BCL2: variants seen among roughly 807,000 people sequenced by gnomAD.
BCL2 encodes the protein BCL2 apoptosis regulator.
BCL2 carries 1 observed loss-of-function variant against 14.2 expected under a neutral mutation model. That is an observed-to-expected ratio of 0.07 (90% confidence interval 0.02 to 0.33). The LOEUF is 0.33. Among genes scored for constraint, BCL2 ranks in the 10% least tolerant of loss-of-function variants. The probability of loss-of-function intolerance (pLI) is 0.99; values close to 1 mark genes in which losing one functional copy is unlikely to be tolerated. For missense variants in BCL2, 247 were observed against 305.9 expected, an observed-to-expected ratio of 0.81 and a Z score of 1.44; for synonymous variants, 151 against 137.2, an observed-to-expected ratio of 1.10 and a Z score of -0.70.
At position 63,209,742 on chromosome 18, in the gene BCL2, G is replaced by C. The variant is rs577769977; in HGVS notation, c.586-80983C>G. On this transcript the variant is annotated intron_variant, in intron 2 of 2. Transcript: ENST00000333681. ...TGAGATCTCCGAGACAGAGGAAACA[G>C]AGCGAGGAAGCTAAGACCTAGGCTG... 1.1e-4 allele frequency among the ~76,000 whole-genome samples: 17 copies of C among 152,234 alleles called. No individual in the cohort carries two copies. The South Asian group carries it at 3.3e-3, about 30-fold the overall frequency.
intron 2 of BCL2, among the ~76,000 whole-genome samples, chr18:63,141,091 T>C (rs1481371496): frequency 1.3e-5 from 2 of 151,854 alleles, no homozygotes; most frequent in Non-Finnish European, 2.9e-5. Flanking sequence ...ACTTGTAAGG[T>C]GAGCAGCTCA....
intron 2 of BCL2, among the ~76,000 whole-genome samples, chr18:63,260,971 G>T (rs1911642353): frequency 6.6e-6 from 1 of 152,104 alleles, no homozygotes; most frequent in African/African-American, 2.4e-5. Flanking sequence ...AGAATTAAAA[G>T]AAGAAGAACA....
chr18:63,254,602 C>A (rs1368110598), intron 2 of BCL2, among the ~76,000 whole-genome samples: 3 of 151,846 alleles, frequency 2.0e-5, no homozygotes, highest in African/African-American at 7.3e-5. Flanking sequence ...TGCTTCTCAT[C>A]ATTGGGGTCA....
At chr18:63,245,247 G>A (rs1160275933) in intron 2 of BCL2, among the ~76,000 whole-genome samples, 2 of 152,170 alleles carry the variant, frequency 1.3e-5, no homozygotes, top group East Asian at 1.9e-4. Context: ...AACCAATTGA[G>A]CATCAACTGA....
At chr18:63,131,229 C>A (rs1914061972) in intron 2 of BCL2, among the ~76,000 whole-genome samples, 1 of 152,188 alleles carries the variant, frequency 6.6e-6, no homozygotes, top group Non-Finnish European at 1.5e-5. Context: ...AATCAGCTAG[C>A]CCAGACCAGC....
At chr18:63,260,538 C>T (rs1420973120) in intron 2 of BCL2, among the ~76,000 whole-genome samples, 3 of 152,144 alleles carry the variant, frequency 2.0e-5, no homozygotes, top group South Asian at 2.1e-4. Context: ...CAGGGGCGGA[C>T]GATAGCACAG....
intron 2 of BCL2, among the ~76,000 whole-genome samples, chr18:63,287,469 A>G (rs1261891761): frequency 6.6e-6 from 1 of 152,188 alleles, no homozygotes; most frequent in Non-Finnish European, 1.5e-5. Context: ...AGAAGAGAAG[A>G]GAAGTTGCCA....
At chr18:63,157,829 T>C (rs1914821515) in intron 2 of BCL2, among the ~76,000 whole-genome samples, 1 of 152,194 alleles carries the variant, frequency 6.6e-6, no homozygotes, top group African/African-American at 2.4e-5. Flanking sequence ...GTGCTGTTTA[T>C]TGACAGAGAA....
chr18:63,159,108 G>A (rs1237109039), intron 2 of BCL2, among the ~76,000 whole-genome samples: 2 of 152,184 alleles, frequency 1.3e-5, no homozygotes, highest in Non-Finnish European at 2.9e-5. Context: ...GGAATTTCCA[G>A]AGGTCTCTGA....
intron 2 of BCL2, among the ~76,000 whole-genome samples, chr18:63,293,297 T>C (rs1912706843): frequency 6.6e-6 from 1 of 152,194 alleles, no homozygotes; most frequent in African/African-American, 2.4e-5. Flanking sequence ...ATTCAAACCC[T>C]GAACATCAGC....
At chr18:63,311,589 C>G (rs774921906) in intron 2 of BCL2, among the ~76,000 whole-genome samples, 3 of 152,148 alleles carry the variant, frequency 2.0e-5, no homozygotes, top group Non-Finnish European at 4.4e-5. Context: ...CAGTTTCTGA[C>G]TCATTACATG....
rs1287240655 is a variant in BCL2, at chr18:63,298,929, CA to C, written c.585+19152del. ...CCTGGAAGGCTCAAAAGCTGGGCGGCAGCAGAGCAACAGAATTAAGGGCTCC... is the reference window on the plus strand; with the variant it reads ...CCTGGAAGGCTCAAAAGCTGGGCGGCGCAGAGCAACAGAATTAAGGGCTCC... On this transcript the variant is annotated intron_variant, in intron 2 of 2. Transcript: ENST00000333681. Among the ~76,000 whole-genome samples the C allele has an allele frequency of 7.2e-5, 11 of 152,302 alleles. No homozygotes were observed. The East Asian group carries it at 2.1e-3, about 29-fold the overall frequency.
intron 2 of BCL2, among the ~76,000 whole-genome samples, chr18:63,253,429 A>G (rs1451417424): frequency 6.6e-6 from 1 of 152,280 alleles, no homozygotes; most frequent in Non-Finnish European, 1.5e-5. Flanking sequence ...ATATTGCAAC[A>G]TTCAGAAAAG....
chr18:63,265,619 A>G (rs1911803750), intron 2 of BCL2, among the ~76,000 whole-genome samples: 2 of 152,226 alleles, frequency 1.3e-5, no homozygotes, highest in Admixed American at 1.3e-4. Flanking sequence ...TATAAAAGAA[A>G]AAAAACTGAT....
At chr18:63,191,379 CTTTA>C (rs1465216117) in intron 2 of BCL2, among the ~76,000 whole-genome samples, 1 of 152,082 alleles carries the variant, frequency 6.6e-6, no homozygotes, top group African/African-American at 2.4e-5. Flanking sequence ...TTTTTGAAGT[CTTTA>C]TTTTATTTAT....
At chr18:63,258,832 G>A (rs560136548) in intron 2 of BCL2, among the ~76,000 whole-genome samples, 1 of 152,266 alleles carries the variant, frequency 6.6e-6, no homozygotes, top group South Asian at 2.1e-4. Context: ...TTGCGTCATC[G>A]ATGATGGTGA....
chr18:63,169,303 T>C (rs867952947), intron 2 of BCL2, among the ~76,000 whole-genome samples: 1,220 of 75,748 alleles, frequency 0.016, 67 homozygotes, highest in East Asian at 0.023. Flanking sequence ...TTTCTTTCTT[T>C]CTTTCTTCCT....
intron 2 of BCL2, among the ~76,000 whole-genome samples, chr18:63,136,528 A>G (rs1379365471): frequency 6.6e-6 from 1 of 152,230 alleles, no homozygotes; most frequent in African/African-American, 2.4e-5. Context: ...TTTGAGTGCA[A>G]GTGGTTTATT....
At chr18:63,250,122 A>T (rs1911267945) in intron 2 of BCL2, among the ~76,000 whole-genome samples, 1 of 152,156 alleles carries the variant, frequency 6.6e-6, no homozygotes, top group African/African-American at 2.4e-5. Flanking sequence ...AGTGTATTAT[A>T]CTCTCTCTCG....
Sources: gnomAD v4.1 joint callset for allele counts (sites outside exome capture counted in the v4.1 genomes callset) on GRCh38, gnomAD v4.1.1 for gene constraint, MANE v1.5 for transcripts, NCBI Gene and HGNC (gene_info 2026-07-23, HGNC 2026-07-21) for gene names.